The following DCP1A variants were observed in gnomAD, a reference collection of about 807,000 sequenced individuals.
DCP1A encodes decapping mRNA 1A.
A neutral mutation model predicts 58.0 loss-of-function variants in DCP1A; 20 were observed. The ratio of observed to expected loss-of-function variants is 0.34; its 90% CI spans 0.24 to 0.50. The LOEUF (loss-of-function observed/expected upper bound fraction) is 0.50. Ranked by LOEUF, DCP1A falls within the 20% of genes least tolerant of loss-of-function variation. DCP1A has a pLI of 0.98. For synonymous variants in DCP1A, 285 were observed against 275.1 expected, an observed-to-expected ratio of 1.04 and a Z score of -0.36; for missense variants, 613 against 712.2, an observed-to-expected ratio of 0.86 and a Z score of 1.59.
At chr3:53,322,813 CTT>C (rs1305800543) in intron 3 of DCP1A, among the ~76,000 whole-genome samples, 26 of 135,448 alleles carry the variant, frequency 1.9e-4, no homozygotes, top group Middle Eastern at 6.9e-3. Flanking sequence ...TGTTTGTTTG[CTT>C]TTTTTTTTTT....
In DCP1A at chr3:53,292,078, A is replaced by T. The variant is rs1553686048; in HGVS notation, c.1374T>A (p.Ala458=). Reference sequence around the variant, plus strand: ...ACCCTCCTGCCATTACCTGAAGGGGAGCAAGCACCATGTTGCTCAGGGAGG... The same window carrying T: ...ACCCTCCTGCCATTACCTGAAGGGGTGCAAGCACCATGTTGCTCAGGGAGG... ...ASASLSNMVL[A]PLQSMQQNQD... is the part of the protein sequence containing the mutation. The change falls in exon 7 of 10, where the codon GCT becomes GCA. Residue 458 remains alanine, a synonymous_variant. Coordinates refer to ENST00000610213, the MANE Select transcript of DCP1A (RefSeq NM_018403.7). The T allele has an allele frequency of 1.9e-6, 3 of 1,605,308 alleles. No homozygotes were observed. The highest frequency in any genetic ancestry group is 2.2e-5 in the East Asian group (1 of 44,542).
intron 3 of DCP1A, among the ~76,000 whole-genome samples, chr3:53,324,246 T>G (rs1708049467): frequency 6.6e-6 from 1 of 152,166 alleles, no homozygotes; most frequent in South Asian, 2.1e-4. Context: ...AGAGTCACAC[T>G]CGATTCTGCC....
intron 8 of DCP1A, among the ~76,000 whole-genome samples, chr3:53,288,688 T>C (rs1706738304): frequency 6.6e-6 from 1 of 152,152 alleles, no homozygotes; most frequent in South Asian, 2.1e-4. Context: ...ATGTTACATA[T>C]TGATTGGGTT....
intron 4 of DCP1A, 36 bp downstream of exon 4, chr3:53,319,371 A>T (rs1553689633): frequency 1.0e-5 from 13 of 1,299,668 alleles, no homozygotes; most frequent in South Asian, 1.4e-5. Flanking sequence ...CATTTCTCAC[A>T]TATCATCAGT....
At chr3:53,333,149 T>G (rs1484788022) in intron 3 of DCP1A, 2 of 151,702 alleles carry the variant, frequency 1.3e-5, no homozygotes, top group African/African-American at 4.8e-5. Context: ...TTTGGTTTTT[T>G]TTTTTTTTTT....
intron 3 of DCP1A, among the ~76,000 whole-genome samples, chr3:53,338,453 CAA>C (rs1263607087): frequency 2.0e-5 from 3 of 152,006 alleles, no homozygotes; most frequent in Admixed American, 2.0e-4. Flanking sequence ...CACTACCCCA[CAA>C]AGATTTAAGA....
At chr3:53,337,405 G>A (rs2089135424) in intron 3 of DCP1A, among the ~76,000 whole-genome samples, 1 of 152,172 alleles carries the variant, frequency 6.6e-6, no homozygotes. Context: ...TCACTAATGA[G>A]ATCATTTGTT....
At chr3:53,319,650 G>A (rs1006017574) in intron 3 of DCP1A, among the ~76,000 whole-genome samples, 177 bp from the exon 4 acceptor site, 1 of 152,044 alleles carries the variant, frequency 6.6e-6, no homozygotes, top group Admixed American at 6.6e-5. Flanking sequence ...AATAAAATCA[G>A]GACAGGTAAA....
intron 3 of DCP1A, among the ~76,000 whole-genome samples, chr3:53,329,769 T>C (rs1281340944): frequency 1.3e-5 from 2 of 152,172 alleles, no homozygotes; most frequent in Admixed American, 1.3e-4. Context: ...CAGAAAACAT[T>C]AAAAAATACA....
At chr3:53,335,144 A>AT (rs1367106044) in intron 3 of DCP1A, among the ~76,000 whole-genome samples, 2 of 148,408 alleles carry the variant, frequency 1.3e-5, no homozygotes, top group Non-Finnish European at 3.0e-5. Flanking sequence ...TTTTATTTTT[A>AT]TTTATTTATT....
At chr3:53,303,040 C>G (rs1707360067) in intron 6 of DCP1A, among the ~76,000 whole-genome samples, 1 of 152,120 alleles carries the variant, frequency 6.6e-6, no homozygotes, top group Admixed American at 6.5e-5. Context: ...TCTCAAACCT[C>G]CTGAGCTCAA....
chr3:53,335,626 A>G (rs1256789783), intron 3 of DCP1A, among the ~76,000 whole-genome samples: 1 of 152,134 alleles, frequency 6.6e-6, no homozygotes, highest in Non-Finnish European at 1.5e-5. Flanking sequence ...TCACTCTGTC[A>G]TATTTCCATT....
chr3:53,335,617 C>CA (rs2089099828), intron 3 of DCP1A, among the ~76,000 whole-genome samples: 1 of 152,140 alleles, frequency 6.6e-6, no homozygotes, highest in African/African-American at 2.4e-5. Context: ...TAATTCTAAT[C>CA]ACTCTGTCAT....
chr3:53,333,937 T>C lies in DCP1A; in HGVS notation c.304+8207A>G, dbSNP rs186320481. On this transcript the variant is annotated intron_variant, in intron 3 of 9. Transcript: ENST00000610213. ...CATTCTATTGCTTACTTTCAACCTT[T>C]CCACGATCTTAGAGTTTTTAAAGTT... 4.6e-3 allele frequency among the ~76,000 whole-genome samples: 694 copies of C among 152,182 alleles called. 4 individuals are homozygous for C. The highest frequency in any genetic ancestry group is 0.016 in the Admixed American group (251 of 15,272).
intron 3 of DCP1A, among the ~76,000 whole-genome samples, chr3:53,325,194 A>C (rs1212148515): frequency 6.6e-6 from 1 of 152,216 alleles, no homozygotes; most frequent in Non-Finnish European, 1.5e-5. Context: ...AGAGAGGTAC[A>C]TGGCTCACAC....
chr3:53,309,589 T>C (rs1707583714), intron 5 of DCP1A, among the ~76,000 whole-genome samples: 1 of 152,018 alleles, frequency 6.6e-6, no homozygotes, highest in Non-Finnish European at 1.5e-5. Flanking sequence ...ATAGTGAGAC[T>C]CTATCTCTAC....
chr3:53,325,122 C>T (rs1277224970), intron 3 of DCP1A, among the ~76,000 whole-genome samples: 6 of 152,092 alleles, frequency 3.9e-5, no homozygotes, highest in Non-Finnish European at 7.4e-5. Context: ...TCCTTAGACC[C>T]GTTTAAAGAT....
intron 6 of DCP1A, among the ~76,000 whole-genome samples, chr3:53,296,880 A>G (rs1707144706): frequency 6.6e-6 from 1 of 152,208 alleles, no homozygotes; most frequent in South Asian, 2.1e-4. Context: ...TCTGTTTTCA[A>G]TTCTTTTGGG....
rs533840283 is a variant in DCP1A, at chr3:53,309,845, G to A, written c.510+2396C>T. ...CATTATATCATACTCAGCAGATAGC[G>A]GAGACTCAGAATCAGGATTAAATCC... On this transcript the variant is annotated intron_variant, in intron 5 of 9. Coordinates refer to ENST00000610213, the MANE Select transcript of DCP1A (RefSeq NM_018403.7). Among the ~76,000 whole-genome samples, 12 of 152,310 alleles carry A rather than the reference G, an allele frequency of 7.9e-5. No individual in the cohort carries two copies. In the South Asian group the frequency reaches 8.3e-4, roughly 11 times the overall value.
Sources: gnomAD v4.1 joint callset for allele counts (sites outside exome capture counted in the v4.1 genomes callset) on GRCh38, gnomAD v4.1.1 for gene constraint, MANE v1.5 for transcripts, NCBI Gene and HGNC (gene_info 2026-07-23, HGNC 2026-07-21) for gene names.